The following WDPCP variants were observed in gnomAD, a reference collection of about 807,000 sequenced individuals.
The protein encoded by WDPCP is WD repeat containing planar cell polarity effector.
A neutral mutation model predicts 93.1 loss-of-function variants in WDPCP; 71 were observed. The observed-to-expected ratio is 0.76, with a 90% CI of 0.63 to 0.93. The LOEUF is 0.93. Among genes scored for constraint, WDPCP ranks in the 40% least tolerant of loss-of-function variants. The probability of loss-of-function intolerance (pLI) is 0.00; values close to 1 mark genes in which losing one functional copy is unlikely to be tolerated. For missense variants in WDPCP, 844 were observed against 887.4 expected (o/e 0.95, Z 0.62); for synonymous variants, 315 against 315.0 (o/e 1.00, Z 0.00).
At chr2:63,592,162 A>G (rs1224058968), upstream of WDPCP, among the ~76,000 whole-genome samples, 1 of 152,186 alleles carries the variant, frequency 6.6e-6, no homozygotes, top group Non-Finnish European at 1.5e-5. Context: ...CATGATAGGA[A>G]CTTAATGATG....
chr2:63,811,802 T>A (rs578196127), intron 2 of WDPCP, among the ~76,000 whole-genome samples: 1 of 152,248 alleles, frequency 6.6e-6, no homozygotes, highest in South Asian at 2.1e-4. Flanking sequence ...ACTGTTTTCA[T>A]CTTTGTGTTC....
At chr2:63,801,427 G>A (rs1350210150) in intron 2 of WDPCP, among the ~76,000 whole-genome samples, 1 of 152,166 alleles carries the variant, frequency 6.6e-6, no homozygotes, top group Non-Finnish European at 1.5e-5. Context: ...GAGGCAAAGA[G>A]TGAGGAGCAG....
At chr2:63,144,053 CTCT>C (rs1671284057) in intron 17 of WDPCP, among the ~76,000 whole-genome samples, 1 of 152,120 alleles carries the variant, frequency 6.6e-6, no homozygotes, top group African/African-American at 2.4e-5. Flanking sequence ...TTTTAGAATT[CTCT>C]TCTTCCTCAG....
Position 63,751,983 on chromosome 2 carries a change from A to G in WDPCP, n.308+61639T>C, listed in dbSNP as rs1298009042. 3.7e-5 allele frequency: 23 copies of G among 630,122 alleles called. No individual in the cohort carries two copies. In the Admixed American group the frequency reaches 3.9e-4, roughly 11 times the overall value. 39.0% of individuals were successfully genotyped at this position (630,122 alleles called of 1,614,324 possible). A position where few individuals can be genotyped will look rare whatever the true frequency, so the allele number is the denominator to read the frequency against. On this transcript the variant is annotated intron_variant and non_coding_transcript_variant, in intron 2 of 4. Coordinates refer to the WDPCP transcript ENST00000467687. ...CATGACCACTGAAGTTTCCTCCACA[A>G]TCAAAGTTGTCATTTCCACTGAAAC...
chr2:63,500,708 C>A (rs550778859), intron 1 of WDPCP, among the ~76,000 whole-genome samples: 40 of 152,188 alleles, frequency 2.6e-4, no homozygotes, highest in African/African-American at 9.2e-4. Flanking sequence ...CTCAATTTCC[C>A]CACCTGCAAA....
At chr2:63,627,725 C>T (rs1709825147) in intron 3 of WDPCP, among the ~76,000 whole-genome samples, 1 of 152,178 alleles carries the variant, frequency 6.6e-6, no homozygotes. Flanking sequence ...AATACCTTCC[C>T]GCTCCATTCC....
intron 15 of WDPCP, among the ~76,000 whole-genome samples, chr2:63,156,809 C>T (rs1451812876): frequency 2.0e-5 from 3 of 152,176 alleles, no homozygotes; most frequent in East Asian, 3.8e-4. Context: ...TTGCTAAATG[C>T]ACTTATTAGT....
chr2:63,168,691 G>A (rs1673173568), intron 15 of WDPCP: 1 of 152,132 alleles, frequency 6.6e-6, no homozygotes, highest in Non-Finnish European at 1.5e-5. Flanking sequence ...CACTGAGTTT[G>A]GCATCAATAT....
chr2:63,560,576 C>T (rs924036421), intron 1 of WDPCP, among the ~76,000 whole-genome samples: 12 of 152,122 alleles, frequency 7.9e-5, no homozygotes, highest in African/African-American at 2.2e-4. Context: ...AGACTTGGAA[C>T]GAACCCAAAT....
intron 14 of WDPCP, among the ~76,000 whole-genome samples, chr2:63,184,559 A>T (rs922975853): frequency 1.3e-5 from 2 of 152,038 alleles, no homozygotes; most frequent in African/African-American, 4.8e-5. Context: ...TTACTGGCTT[A>T]TAAAGTTCCC....
chr2:63,389,523 CA>C (rs909727876), intron 10 of WDPCP, among the ~76,000 whole-genome samples: 9 of 151,852 alleles, frequency 5.9e-5, no homozygotes, highest in Admixed American at 3.9e-4. Flanking sequence ...AACATCATGA[CA>C]GGATCACATT....
At chr2:63,178,146 T>A (rs1673960156) in intron 14 of WDPCP, among the ~76,000 whole-genome samples, 1 of 152,192 alleles carries the variant, frequency 6.6e-6, no homozygotes, top group Non-Finnish European at 1.5e-5. Flanking sequence ...TGACTTTTGC[T>A]CCAATATCTA....
rs184996073 is a variant in WDPCP at position 63,552,040 on chromosome 2, C to T, written c.75+36157G>A. Among the ~76,000 whole-genome samples the T allele has an allele frequency of 5.9e-3, 369 of 62,278 alleles. 3 individuals are homozygous for T. The highest frequency in any genetic ancestry group is 0.026 in the African/African-American group (333 of 12,796). The allele number at this position is 62,278 out of a possible 152,430, so 40.9% of individuals were successfully genotyped here. A position where few individuals can be genotyped will look rare whatever the true frequency, so the allele number is the denominator to read the frequency against. ...CTCCTGGGCTCAAGTGATCTTCCTA[C>T]CTCAGCTTCCTAAGGTTCTGGATTT... On this transcript the variant is annotated intron_variant, in intron 1 of 17. Transcript: ENST00000272321.
At chr2:63,232,202 A>G (rs1678966269) in intron 14 of WDPCP, among the ~76,000 whole-genome samples, 1 of 152,202 alleles carries the variant, frequency 6.6e-6, no homozygotes, top group Non-Finnish European at 1.5e-5. Flanking sequence ...AAAGACTTAA[A>G]TGTTAGACCT....
chr2:63,467,036 TG>T (rs1260522278), intron 6 of WDPCP, among the ~76,000 whole-genome samples: 1 of 152,244 alleles, frequency 6.6e-6, no homozygotes, highest in African/African-American at 2.4e-5. Context: ...AGTGTTTCTT[TG>T]TGTCACAACC....
chr2:63,513,227 A>T (rs1702347555), intron 1 of WDPCP, among the ~76,000 whole-genome samples: 1 of 152,236 alleles, frequency 6.6e-6, no homozygotes, highest in African/African-American at 2.4e-5. Context: ...CAGAGAAAAA[A>T]GTTGTACAAA....
chr2:63,547,493 A>T (rs751751342), intron 1 of WDPCP, among the ~76,000 whole-genome samples: 1 of 152,124 alleles, frequency 6.6e-6, no homozygotes, highest in Non-Finnish European at 1.5e-5. Flanking sequence ...AAAATTTGCT[A>T]AAGTATGGAA....
At chr2:63,533,354 C>A (rs372693910) in intron 1 of WDPCP, among the ~76,000 whole-genome samples, 2 of 152,132 alleles carry the variant, frequency 1.3e-5, no homozygotes, top group African/African-American at 4.8e-5. Context: ...CTGCACCAAG[C>A]GAACCTAATA....
intron 6 of WDPCP, among the ~76,000 whole-genome samples, chr2:63,462,328 C>T (rs911750839): frequency 1.3e-5 from 2 of 152,056 alleles, no homozygotes; most frequent in Non-Finnish European, 2.9e-5. Flanking sequence ...GGGTGGGGAA[C>T]ATCACACACC....
Sources: allele counts gnomAD v4.1 joint callset (sites outside exome capture counted in the v4.1 genomes callset), GRCh38; gene constraint gnomAD v4.1.1; transcripts MANE v1.5; gene names NCBI Gene and HGNC (gene_info 2026-07-23, HGNC 2026-07-21).